Variants in DMXL1 observed in about 807,000 individuals in gnomAD.
DMXL1 encodes dmX-like protein 1.
A neutral mutation model predicts 319.2 loss-of-function variants in DMXL1; 99 were observed. The observed-to-expected ratio is 0.31, with a 90% confidence interval of 0.26 to 0.37. The LOEUF (loss-of-function observed/expected upper bound fraction) is 0.37. Ranked by LOEUF, DMXL1 falls within the 10% of genes least tolerant of loss-of-function variation. The pLI is 1.00. For synonymous variants in DMXL1, 1,385 were observed against 1,235.2 expected (o/e 1.12, Z -2.54); for missense variants, 3,745 against 3,595.6 (o/e 1.04, Z -1.06).
chr5:119,221,982 A>C (rs1322772431), intron 37 of DMXL1, among the ~76,000 whole-genome samples: 4 of 152,134 alleles, frequency 2.6e-5, no homozygotes, highest in Admixed American at 2.6e-4. Context: ...GATTTGAAGA[A>C]GCAAAGAAAG....
chr5:119,233,811 A>G (rs1050279884), intron 39 of DMXL1, among the ~76,000 whole-genome samples: 7 of 152,162 alleles, frequency 4.6e-5, no homozygotes, highest in African/African-American at 1.4e-4. Flanking sequence ...AGAGCTTATT[A>G]TAAATGCATA....
chr5:119,130,822 G>GT (rs1402021552), intron 10 of DMXL1, among the ~76,000 whole-genome samples: 2 of 151,464 alleles, frequency 1.3e-5, no homozygotes, highest in African/African-American at 2.4e-5. Context: ...TCTTTTTTCT[G>GT]TGAGTTTTTC....
At chr5:119,098,839 C>T (rs1473602890) in intron 2 of DMXL1, among the ~76,000 whole-genome samples, 1 of 152,158 alleles carries the variant, frequency 6.6e-6, no homozygotes, top group Non-Finnish European at 1.5e-5. Context: ...TTCGCAAATA[C>T]ACTCATATGA....
chr5:119,243,328 A>C (rs927896793), intron 42 of DMXL1, among the ~76,000 whole-genome samples: 1 of 152,170 alleles, frequency 6.6e-6, no homozygotes, highest in African/African-American at 2.4e-5. Context: ...TCCTCAGGCA[A>C]CCCTATTAGG....
intron 28 of DMXL1, among the ~76,000 whole-genome samples, chr5:119,182,234 A>G (rs1581193461): frequency 6.6e-6 from 1 of 152,352 alleles, no homozygotes; most frequent in South Asian, 2.1e-4. Flanking sequence ...GTTAAAATTA[A>G]TGTGTATTTA....
At chr5:119,237,262 A>G in intron 39 of DMXL1, 60 bp from the exon 40 acceptor site, 2 of 1,026,812 alleles carry the variant, frequency 1.9e-6, no homozygotes. Flanking sequence ...ACTGAGGGTA[A>G]GGATAAATAT....
chr5:119,177,240 T>C (rs1775974855), intron 26 of DMXL1, 117 bp from the exon 27 acceptor site: 1 of 585,420 alleles, frequency 1.7e-6, no homozygotes, highest in Admixed American at 3.6e-5. Flanking sequence ...TTATATTACT[T>C]AGATGTACTA....
chr5:119,189,808 A>T lies in DMXL1; in HGVS notation c.7236A>T (p.Pro2412=), dbSNP rs773810843. 6.2e-7 allele frequency: 1 copy of T among 1,614,130 alleles called. No homozygotes were observed. Among genetic ancestry groups the T allele is most frequent in the South Asian group, 1.1e-5 (1 of 91,082 alleles). The change falls in exon 29 of 44, where the codon CCA becomes CCT. Residue 2412 remains proline (P), a synonymous_variant. Coordinates refer to ENST00000539542, the MANE Select transcript of DMXL1 (RefSeq NM_001290321.3). ...CCCCACTGACCCCTTCCTCGGCACC[A>T]GTAAGCCAGGAGTCACTGGCGGTTA... is the stretch of plus-strand genomic sequence containing the variant. ...ESAPLTPSSA[P]VSQESLAVKE...
intron 9 of DMXL1, among the ~76,000 whole-genome samples, chr5:119,122,467 G>A (rs1238236142): frequency 5.3e-5 from 8 of 151,852 alleles, no homozygotes; most frequent in Admixed American, 6.5e-5. Context: ...CCTCCCAGAC[G>A]GGGTGGCTGC....
rs1353030712 is a variant in DMXL1, at chr5:119,123,364, GGAGGGA to G, written c.1102+2242_1102+2247del. On this transcript the variant is annotated intron_variant, in intron 9 of 43. Transcript: ENST00000539542. ...GAGAGGGAGAGGAGGGAGAGGGAGA[GGAGGGA>G]GAGGGAGAGGGAGAGGAGGGAGAGG... 9.1e-3 allele frequency among the ~76,000 whole-genome samples: 881 copies of G among 96,312 alleles called. 9 individuals carry two copies. Among genetic ancestry groups the G allele is most frequent in the Non-Finnish European group, 0.011 (494 of 44,782 alleles). 63.2% of individuals were successfully genotyped at this position (96,312 alleles called of 152,430 possible). A position where few individuals can be genotyped will look rare whatever the true frequency, so the allele number is the denominator to read the frequency against.
chr5:119,121,006 A>G lies in DMXL1; in HGVS notation c.969A>G (p.Arg323=), dbSNP rs750512190. 1.2e-6 allele frequency: 2 copies of G among 1,612,826 alleles called. No individual in the cohort carries two copies. Among genetic ancestry groups the G allele is most frequent in the Admixed American group, 3.4e-5 (2 of 59,512 alleles). ...GACATTTTCGTAGAGGTCGGAGGAG[A>G]TCACTTGCTCTTGTAGCACATACGG... ...NLRHFRRGRR[R]SLALVAHTGY... The change falls in exon 9 of 44, where the codon AGA becomes AGG. Residue 323 remains arginine (R), a synonymous_variant. Coordinates refer to ENST00000539542, the MANE Select transcript of DMXL1 (RefSeq NM_001290321.3).
Position 119,231,061 on chromosome 5 carries a change from C to T in DMXL1, c.8339-2279C>T, listed in dbSNP as rs560184105. 3.3e-5 allele frequency among the ~76,000 whole-genome samples: 5 copies of T among 152,228 alleles called. No homozygotes were observed. The South Asian group carries it at 8.3e-4, about 25-fold the overall frequency. On this transcript the variant is annotated intron_variant, in intron 38 of 43. Coordinates refer to ENST00000539542, the MANE Select transcript of DMXL1 (RefSeq NM_001290321.3). Reference sequence around the variant, plus strand: ...AGAGACAATTTACAGTTCATTTAGTCTTCTAGTAGCCTCTGCATACCAATC... The same window carrying T: ...AGAGACAATTTACAGTTCATTTAGTTTTCTAGTAGCCTCTGCATACCAATC...
At chr5:119,077,952 T>C (rs1751367270) in intron 1 of DMXL1, among the ~76,000 whole-genome samples, 1 of 150,984 alleles carries the variant, frequency 6.6e-6, no homozygotes, top group Non-Finnish European at 1.5e-5. Context: ...CCAGGCTGTT[T>C]TCAAATTCCT....
At chr5:119,186,696 C>A (rs1431055608) in intron 28 of DMXL1, among the ~76,000 whole-genome samples, 2 of 152,202 alleles carry the variant, frequency 1.3e-5, no homozygotes, top group Non-Finnish European at 2.9e-5. Flanking sequence ...TTCCTCTGCT[C>A]CTCCCCTTCC....
intron 26 of DMXL1, among the ~76,000 whole-genome samples, chr5:119,175,616 A>T (rs1775647257): frequency 6.6e-6 from 1 of 152,130 alleles, no homozygotes; most frequent in South Asian, 2.1e-4. Flanking sequence ...ATAATATGAT[A>T]AAGTCTATTT....
intron 17 of DMXL1, among the ~76,000 whole-genome samples, chr5:119,147,749 C>T (rs1768898808): frequency 6.6e-6 from 1 of 152,156 alleles, no homozygotes; most frequent in Admixed American, 6.5e-5. Flanking sequence ...GAGATGGTAA[C>T]TAAGTTGTAC....
intron 13 of DMXL1, among the ~76,000 whole-genome samples, chr5:119,137,047 T>C (rs934344817): frequency 1.3e-5 from 2 of 152,266 alleles, no homozygotes; most frequent in African/African-American, 4.8e-5. Flanking sequence ...CCATAAGCAC[T>C]CAACACTAGC....
intron 32 of DMXL1, among the ~76,000 whole-genome samples, chr5:119,203,056 A>G (rs918507644): frequency 7.9e-5 from 12 of 151,958 alleles, no homozygotes; most frequent in African/African-American, 1.9e-4. Flanking sequence ...TCTGGTCCCA[A>G]GTACTTTAGT....
At chr5:119,078,971 C>A (rs564411536) in intron 1 of DMXL1, among the ~76,000 whole-genome samples, 2 of 152,132 alleles carry the variant, frequency 1.3e-5, no homozygotes, top group East Asian at 3.9e-4. Flanking sequence ...TTGTTTGCGC[C>A]AGTCTGATGA....
Sources: allele counts gnomAD v4.1 joint callset (sites outside exome capture counted in the v4.1 genomes callset), GRCh38; gene constraint gnomAD v4.1.1; transcripts MANE v1.5; gene names NCBI Gene and HGNC (gene_info 2026-07-23, HGNC 2026-07-21).